RGS6: variants seen among roughly 807,000 people sequenced by gnomAD.
RGS6 encodes regulator of G protein signaling 6.
In RGS6, 30 loss-of-function variants were observed where a neutral mutation model predicts 78.5. The observed-to-expected ratio is 0.38, with a 90% CI of 0.29 to 0.52. The LOEUF (loss-of-function observed/expected upper bound fraction) is 0.52. Ranked by LOEUF, RGS6 falls within the 20% of genes least tolerant of loss-of-function variation. The pLI, the probability that RGS6 is intolerant of heterozygous loss-of-function variation, is 0.85. For missense variants in RGS6, 495 were observed against 609.7 expected (o/e 0.81, Z 1.98); for synonymous variants, 206 against 206.0 (o/e 1.00, Z 0.00).
intron 2 of RGS6, among the ~76,000 whole-genome samples, chr14:72,194,727 A>G (rs1490569978): frequency 6.6e-6 from 1 of 152,200 alleles, no homozygotes; most frequent in African/African-American, 2.4e-5. Context: ...ATTATAATAC[A>G]TGTTCAGAAG....
At chr14:72,213,719 C>T (rs2044762726) in intron 2 of RGS6, among the ~76,000 whole-genome samples, 1 of 152,164 alleles carries the variant, frequency 6.6e-6, no homozygotes, top group African/African-American at 2.4e-5. Context: ...ATGTTTATTC[C>T]TCTTCATTAA....
At chr14:72,376,487 AG>A (rs1311285678) in intron 3 of RGS6, among the ~76,000 whole-genome samples, 1 of 152,186 alleles carries the variant, frequency 6.6e-6, no homozygotes, top group African/African-American at 2.4e-5. Context: ...AGATCCAGGA[AG>A]CTCAAAGAAC....
chr14:72,334,357 A>G (rs1324373528), intron 2 of RGS6, among the ~76,000 whole-genome samples: 2 of 152,202 alleles, frequency 1.3e-5, no homozygotes, highest in Non-Finnish European at 2.9e-5. Context: ...TTTGACGCCT[A>G]CAAAAACCTG....
the RGS6 span, among the ~76,000 whole-genome samples, chr14:71,896,677 A>T: frequency 6.6e-6 from 1 of 152,074 alleles, no homozygotes; most frequent in South Asian, 2.1e-4. Context: ...TGACAAAAGG[A>T]CTCTTGAACT....
chr14:72,517,665 C>A (rs775991643), intron 14 of RGS6, among the ~76,000 whole-genome samples: 7 of 152,248 alleles, frequency 4.6e-5, no homozygotes, highest in Non-Finnish European at 8.8e-5. Flanking sequence ...TACTATTTGC[C>A]AAGCACCGTG....
intron 2 of RGS6, among the ~76,000 whole-genome samples, chr14:72,159,537 A>G (rs2096823853): frequency 6.6e-6 from 1 of 152,184 alleles, no homozygotes. Flanking sequence ...CTTCTTGGCC[A>G]TTTGATGCTA....
chr14:72,025,923 A>G (rs962034332), intron 2 of RGS6, among the ~76,000 whole-genome samples: 1 of 152,300 alleles, frequency 6.6e-6, no homozygotes, highest in East Asian at 1.9e-4. Context: ...ACAAACCTCA[A>G]AATAAAAGCT....
chr14:72,424,676 T>C (rs1457710681), intron 3 of RGS6, among the ~76,000 whole-genome samples: 16 of 152,194 alleles, frequency 1.1e-4, no homozygotes, highest in Non-Finnish European at 1.2e-4. Flanking sequence ...TATTAATACT[T>C]TTTAGTGTGA....
intron 12 of RGS6, among the ~76,000 whole-genome samples, chr14:72,483,266 A>G (rs1252370449): frequency 6.6e-6 from 1 of 152,180 alleles, no homozygotes; most frequent in Non-Finnish European, 1.5e-5. Flanking sequence ...CACTGCAGCT[A>G]TCCCAGTGCA....
intron 2 of RGS6, among the ~76,000 whole-genome samples, chr14:72,320,703 G>T (rs1248039698): frequency 1.3e-5 from 2 of 151,492 alleles, no homozygotes; most frequent in Non-Finnish European, 2.9e-5. Flanking sequence ...CTTTTAGACT[G>T]GGTCTAAATA....
chr14:72,030,980 ATTTTTTT>A (rs10581212), intron 2 of RGS6, among the ~76,000 whole-genome samples: 2 of 141,628 alleles, frequency 1.4e-5, no homozygotes, highest in Non-Finnish European at 3.1e-5. Context: ...TTTAGCAACA[ATTTTTTT>A]TTTTTTTTTT....
chr14:72,368,335 G>A (rs922460793), intron 3 of RGS6, among the ~76,000 whole-genome samples: 1 of 152,120 alleles, frequency 6.6e-6, no homozygotes, highest in African/African-American at 2.4e-5. Flanking sequence ...TTCTCAAGAT[G>A]TTCTAACTGA....
chr14:72,272,414 T>C (rs2060079335), intron 2 of RGS6, among the ~76,000 whole-genome samples: 1 of 152,250 alleles, frequency 6.6e-6, no homozygotes, highest in African/African-American at 2.4e-5. Flanking sequence ...AGGCAAGTTG[T>C]TGAACTGCTC....
chr14:72,531,218 A>T lies in RGS6; in HGVS notation c.1279-4968A>T, dbSNP rs1329999677. Among the ~76,000 whole-genome samples the T allele has an allele frequency of 2.0e-5, 3 of 152,178 alleles. No homozygotes were observed. In the East Asian group the frequency reaches 5.8e-4, roughly 29 times the overall value. ...GAGGCTGAAACAGGTGGATCACTTG[A>T]GGCCAGGAGTTCGAGACCAGCCTGG... On this transcript the variant is annotated intron_variant, in intron 15 of 17. Coordinates refer to ENST00000553525, the MANE Select transcript of RGS6 (RefSeq NM_001204424.2).
chr14:72,010,908 T>G (rs1033635786), intron 2 of RGS6, among the ~76,000 whole-genome samples: 27 of 152,246 alleles, frequency 1.8e-4, no homozygotes, highest in African/African-American at 6.5e-4. Context: ...TTGCTTTTGT[T>G]CTGTGTTTCT....
intron 2 of RGS6, among the ~76,000 whole-genome samples, chr14:72,164,275 T>G (rs976035400): frequency 6.6e-6 from 1 of 152,192 alleles, no homozygotes; most frequent in Non-Finnish European, 1.5e-5. Context: ...GTTTCAGAAC[T>G]GTACTGCTCT....
At chr14:72,425,077 C>A (rs1484154379) in intron 3 of RGS6, among the ~76,000 whole-genome samples, 2 of 152,102 alleles carry the variant, frequency 1.3e-5, no homozygotes, top group Non-Finnish European at 2.9e-5. Context: ...AAAGTCTCGG[C>A]AATATTGCGA....
At chr14:72,097,386 G>A (rs1467740374) in intron 2 of RGS6, among the ~76,000 whole-genome samples, 1 of 152,134 alleles carries the variant, frequency 6.6e-6, no homozygotes, top group Non-Finnish European at 1.5e-5. Context: ...GTTACAGGAA[G>A]CACATCTGAA....
chr14:72,107,547 T>G (rs1264409123), intron 2 of RGS6, among the ~76,000 whole-genome samples: 3 of 152,188 alleles, frequency 2.0e-5, no homozygotes, highest in Non-Finnish European at 4.4e-5. Flanking sequence ...TTCTCATAAC[T>G]ACTGACTTGA....
Sources: allele counts gnomAD v4.1 joint callset (sites outside exome capture counted in the v4.1 genomes callset), GRCh38; gene constraint gnomAD v4.1.1; transcripts MANE v1.5; gene names NCBI Gene and HGNC (gene_info 2026-07-23, HGNC 2026-07-21).